FBXW12: variants seen among roughly 807,000 people sequenced by gnomAD.
FBXW12 encodes the protein F-box/WD repeat-containing protein 12.
FBXW12 carries 43 observed loss-of-function variants against 55.3 expected under a neutral mutation model. The observed-to-expected ratio is 0.78, with a 90% CI of 0.61 to 1.00. The LOEUF (loss-of-function observed/expected upper bound fraction) is 1.00. Ranked by LOEUF, FBXW12 falls within the 50% of genes least tolerant of loss-of-function variation. FBXW12 has a pLI of 0.00. For missense variants in FBXW12, 524 were observed against 560.5 expected (o/e 0.93, Z 0.66); for synonymous variants, 184 against 203.8 (o/e 0.90, Z 0.83).
intron 10 of FBXW12, among the ~76,000 whole-genome samples, chr3:48,393,976 A>T (rs2036968721): frequency 1.3e-5 from 2 of 151,850 alleles, no homozygotes; most frequent in South Asian, 4.2e-4. Context: ...ACGAGGTTTC[A>T]CTGTGTTAAC....
chr3:48,375,306 A>G (rs746137917), intron 4 of FBXW12, 48 bp from the exon 5 acceptor site: 6 of 1,086,764 alleles, frequency 5.5e-6, no homozygotes, highest in Non-Finnish European at 8.5e-6. Flanking sequence ...TTTGGTTTGG[A>G]TCATCCCTTA....
At chr3:48,381,597 G>T in intron 8 of FBXW12, 103 bp from the exon 9 acceptor site, 1 of 1,291,216 alleles carries the variant, frequency 7.7e-7, no homozygotes, top group Non-Finnish European at 1.0e-6. Context: ...TGGAAGTGGG[G>T]ACTATGCTTT....
At chr3:48,390,406 C>CTT (rs71625870) in intron 10 of FBXW12, among the ~76,000 whole-genome samples, 869 of 57,946 alleles carry the variant, frequency 0.015, 130 homozygotes, top group African/African-American at 0.057. Flanking sequence ...AGGATTTCCT[C>CTT]TTTTTTTTTT....
rs191304784 is a variant in FBXW12 at position 48,381,692 on chromosome 3, G to T, written c.986-8G>T. 2.7e-3 allele frequency: 4,220 copies of T among 1,547,534 alleles called. 16 individuals carry two copies. Among genetic ancestry groups the T allele is most frequent in the South Asian group, 6.3e-3 (508 of 80,222 alleles). ...GTGTATATATATGTGCGTTTTACAT[G>T]AAAACAGCATATGAGATCGCAAGTT... On this transcript the variant is annotated splice_region_variant and splice_polypyrimidine_tract_variant and intron_variant, in intron 8 of 10. Coordinates refer to ENST00000296438, the MANE Select transcript of FBXW12 (RefSeq NM_207102.2).
Position 48,379,527 on chromosome 3 carries a change from C to T in FBXW12, c.743C>T (p.Ala248Val), listed in dbSNP as rs1204653734. ...HCSPDKKWVFACGTYSRTLPQ... is the reference protein window; with the variant it reads ...HCSPDKKWVFVCGTYSRTLPQ... ...TCTCCTGACAAGAAATGGGTATTTG[C>T]ATGTGGGACATACAGTCGTACCTTG... The change falls in exon 7 of 11, where the codon GCA (alanine) becomes GTA (valine). Residue 248 changes from alanine (A) to valine (V), a missense_variant. Transcript: ENST00000296438. 1.2e-6 allele frequency: 2 copies of T among 1,613,976 alleles called. No homozygotes were observed. The highest frequency in any genetic ancestry group is 2.2e-5 in the East Asian group (1 of 44,884).
chr3:48,380,788 C>T lies in FBXW12; in HGVS notation c.861C>T (p.Ala287=). 1 of 1,614,112 alleles carries T rather than the reference C, an allele frequency of 6.2e-7. No individual in the cohort carries two copies. Reference sequence around the variant, plus strand: ...TCCCACATAAATTATGTGCCAGCGCCTGCTGGACCCCAAAGGTGAAAAACA... The same window carrying T: ...TCCCACATAAATTATGTGCCAGCGCTTGCTGGACCCCAAAGGTGAAAAACA... ...TFLPHKLCAS[A]CWTPKVKNRI... is the part of the protein sequence containing the mutation. Residue 287 remains alanine, a synonymous_variant, in exon 8 of 11, where the codon GCC becomes GCT. Coordinates refer to ENST00000296438, the MANE Select transcript of FBXW12 (RefSeq NM_207102.2).
chr3:48,378,405 A>T lies in FBXW12; in HGVS notation c.494A>T (p.Asp165Val). 1.2e-6 allele frequency: 2 copies of T among 1,613,904 alleles called. No homozygotes were observed. Among genetic ancestry groups the T allele is most frequent in the Non-Finnish European group, 1.7e-6 (2 of 1,179,962 alleles). Reference protein sequence around the residue: ...LPQMHLAITMDRKKTIKVWNC... With the variant: ...LPQMHLAITMVRKKTIKVWNC... ...CAGATGCATCTCGCCATCACTATGG[A>T]TCGGAAAAAAACTATCAAAGTGTGG... is the stretch of plus-strand genomic sequence containing the variant. Residue 165 changes from aspartate to valine, a missense_variant, in exon 6 of 11, where the codon GAT becomes GTT. Asp to Val is a radical substitution (Grantham distance 152). Coordinates refer to ENST00000296438, the MANE Select transcript of FBXW12 (RefSeq NM_207102.2).
chr3:48,381,270 C>T (rs892671242), intron 8 of FBXW12, among the ~76,000 whole-genome samples: 1 of 152,132 alleles, frequency 6.6e-6, no homozygotes, highest in Non-Finnish European at 1.5e-5. Context: ...GATCCGCCTG[C>T]CTCGGCCTCC....
chr3:48,372,459 C>T, intron 1 of FBXW12, 139 bp downstream of exon 1: 1 of 1,159,686 alleles, frequency 8.6e-7, no homozygotes, highest in Admixed American at 2.3e-5. Context: ...TCATCTGCAA[C>T]TGGGGCTGCC....
At chr3:48,375,705 C>T (rs1242769535) in intron 5 of FBXW12, among the ~76,000 whole-genome samples, 3 of 152,176 alleles carry the variant, frequency 2.0e-5, no homozygotes, top group South Asian at 2.1e-4. Context: ...GACTGAGTCT[C>T]GCTCTGTTCC....
chr3:48,392,171 G>A (rs550871422), intron 10 of FBXW12, among the ~76,000 whole-genome samples: 19 of 152,182 alleles, frequency 1.2e-4, no homozygotes, highest in South Asian at 6.2e-4. Context: ...CACAAGAACC[G>A]GCCAGGCATG....
intron 1 of FBXW12, 31 bp from the exon 2 acceptor site, chr3:48,372,653 A>T: frequency 2.5e-6 from 4 of 1,592,500 alleles, no homozygotes; most frequent in Non-Finnish European, 3.4e-6. Context: ...TCTACCGCAC[A>T]CAGATGGGCA....
chr3:48,379,564 T>G lies in FBXW12; in HGVS notation c.774+6T>G, dbSNP rs201226211. The G allele has an allele frequency of 6.2e-7, 1 of 1,612,708 alleles. No individual in the cohort carries two copies. Among genetic ancestry groups the G allele is most frequent in the Admixed American group, 1.7e-5 (1 of 60,010 alleles). On this transcript the variant is annotated splice_donor_region_variant and intron_variant, in intron 7 of 10. Transcript: ENST00000296438. ...ACAGTCGTACCTTGCCACAGGTAGG[T>G]GCTGTTCTGTGTATTTCAATTTCAG...
chr3:48,376,784 G>T (rs2036692429), intron 5 of FBXW12, among the ~76,000 whole-genome samples: 1 of 152,224 alleles, frequency 6.6e-6, no homozygotes, highest in South Asian at 2.1e-4. Flanking sequence ...AGAACCAAGA[G>T]TCATTAAAGA....
intron 10 of FBXW12, among the ~76,000 whole-genome samples, chr3:48,394,202 G>A (rs1229865445): frequency 6.6e-6 from 1 of 151,960 alleles, no homozygotes; most frequent in Non-Finnish European, 1.5e-5. Flanking sequence ...GAACTGACAT[G>A]GTGCCACTGC....
In FBXW12 at chr3:48,372,257, A is replaced by T. The variant is rs1300911129; in HGVS notation, c.-148A>T. ...ACTGCAAAGTTAAATGCGAGAAGGT[A>T]GAAACCCAGAGGCCATGCTGGCGCT... On this transcript the variant is annotated 5_prime_UTR_variant, in exon 1 of 11. An upstream open reading frame in the 5' UTR gains an earlier in-frame stop. Transcript: ENST00000296438. 6 of 1,551,880 alleles carry T rather than the reference A, an allele frequency of 3.9e-6. No homozygotes were observed. Among genetic ancestry groups the T allele is most frequent in the Admixed American group, 2.0e-5 (1 of 50,998 alleles).
At position 48,381,976 on chromosome 3, in the gene FBXW12, A is replaced by G; in HGVS notation, c.1186A>G (p.Thr396Ala). The G allele has an allele frequency of 5.6e-6, 9 of 1,614,172 alleles. No individual in the cohort carries two copies. The highest frequency in any genetic ancestry group is 7.6e-6 in the Non-Finnish European group (9 of 1,180,012). Residue 396 changes from threonine (T) to alanine (A), a missense_variant, in exon 10 of 11, where the codon ACA (threonine) becomes GCA (alanine). By Grantham distance (58) the Thr-to-Ala change is moderately conservative. Coordinates refer to ENST00000296438, the MANE Select transcript of FBXW12 (RefSeq NM_207102.2). Reference sequence around the variant, plus strand: ...GAAGGATCCTTGCTATGTGCTCACCACATCCGAGAACTCTGTGCACGTGTA... The same window carrying G: ...GAAGGATCCTTGCTATGTGCTCACCGCATCCGAGAACTCTGTGCACGTGTA... ...FWVDPCYVLT[T>A]SENSVHVYMW...
chr3:48,392,127 T>C (rs956172626), intron 10 of FBXW12, among the ~76,000 whole-genome samples: 2 of 151,912 alleles, frequency 1.3e-5, no homozygotes, highest in Non-Finnish European at 2.9e-5. Context: ...GCTGGATTTT[T>C]TGTTTGTTTA....
intron 10 of FBXW12, among the ~76,000 whole-genome samples, chr3:48,389,540 A>G (rs1400914303): frequency 6.6e-6 from 1 of 151,944 alleles, no homozygotes; most frequent in Non-Finnish European, 1.5e-5. Context: ...CACCACACCT[A>G]GCTAATTGTA....
Sources: gnomAD v4.1 joint callset for allele counts (sites outside exome capture counted in the v4.1 genomes callset) on GRCh38, gnomAD v4.1.1 for gene constraint, MANE v1.5 for transcripts, NCBI Gene and HGNC (gene_info 2026-07-23, HGNC 2026-07-21) for gene names.